Variants in EBF1 observed in about 807,000 individuals in gnomAD.
EBF1 encodes the protein transcription factor COE1.
EBF1 carries 10 observed loss-of-function variants against 68.4 expected under a neutral mutation model. The ratio of observed to expected loss-of-function variants is 0.15; its 90% CI spans 0.09 to 0.25. The LOEUF is 0.25. EBF1 is among the 10% of genes least tolerant of loss of function. The pLI is 1.00. For synonymous variants in EBF1, 298 were observed against 299.8 expected, an observed-to-expected ratio of 0.99 and a Z score of 0.06; for missense variants, 509 against 794.4, an observed-to-expected ratio of 0.64 and a Z score of 4.32.
At chr5:158,985,777 C>A (rs1455904356) in intron 6 of EBF1, 2 of 152,256 alleles carry the variant, frequency 1.3e-5, no homozygotes, top group African/African-American at 4.8e-5. Context: ...AAAGCAGAGG[C>A]ATCAGAGTCT....
In EBF1 at chr5:159,046,348, C is replaced by T. The variant is rs1176866811; in HGVS notation, c.554+27048G>A. On this transcript the variant is annotated intron_variant, in intron 6 of 15. Transcript: ENST00000313708. ...CTCAATAATCTTGTTGAATTGAACC[C>T]ACTAGGTCTACTGGTGAATTTTAGC... Among the ~76,000 whole-genome samples the T allele has an allele frequency of 7.9e-5, 12 of 152,282 alleles. No individual in the cohort carries two copies. The East Asian group carries it at 2.3e-3, about 29-fold the overall frequency.
At chr5:158,869,849 G>T (rs1387591429) in intron 6 of EBF1, among the ~76,000 whole-genome samples, 1 of 152,086 alleles carries the variant, frequency 6.6e-6, no homozygotes, top group Non-Finnish European at 1.5e-5. Flanking sequence ...TATTTTGTTT[G>T]CCTTTCTTTT....
chr5:158,848,137 C>T (rs1791895461), intron 6 of EBF1, among the ~76,000 whole-genome samples: 2 of 152,172 alleles, frequency 1.3e-5, no homozygotes, highest in Middle Eastern at 3.2e-3. Context: ...TGAGATTCTA[C>T]TTCTTTTCTC....
intron 11 of EBF1, among the ~76,000 whole-genome samples, chr5:158,726,067 C>T (rs1762920717): frequency 6.6e-6 from 1 of 152,206 alleles, no homozygotes; most frequent in Admixed American, 6.5e-5. Flanking sequence ...TTTAAAAACA[C>T]TCGCATCTTT....
intron 10 of EBF1, among the ~76,000 whole-genome samples, chr5:158,759,134 C>T (rs1439409729): frequency 1.3e-5 from 2 of 152,184 alleles, no homozygotes; most frequent in East Asian, 3.8e-4. Flanking sequence ...TCAATATTCA[C>T]AGTTTAAGAC....
chr5:158,961,030 G>A (rs184450476), intron 6 of EBF1, among the ~76,000 whole-genome samples: 1 of 152,184 alleles, frequency 6.6e-6, no homozygotes, highest in Admixed American at 6.5e-5. Flanking sequence ...AAATGAATAG[G>A]CAATTCACCA....
chr5:158,791,679 T>C (rs1157258031), intron 9 of EBF1, among the ~76,000 whole-genome samples: 1 of 152,070 alleles, frequency 6.6e-6, no homozygotes, highest in Non-Finnish European at 1.5e-5. Flanking sequence ...CAGAGCTACA[T>C]CCATATGTAA....
At chr5:158,753,853 G>A (rs973056148) in intron 10 of EBF1, among the ~76,000 whole-genome samples, 6 of 151,940 alleles carry the variant, frequency 3.9e-5, no homozygotes, top group Admixed American at 6.6e-5. Flanking sequence ...AGATTGTGAC[G>A]ACCACAAAAC....
At chr5:158,874,442 G>A (rs1442098132) in intron 6 of EBF1, among the ~76,000 whole-genome samples, 1 of 152,214 alleles carries the variant, frequency 6.6e-6, no homozygotes, top group Non-Finnish European at 1.5e-5. Flanking sequence ...TGTCACACAA[G>A]TGAATTGAGA....
Position 158,773,969 on chromosome 5 carries a change from G to A in EBF1, c.1036+3444C>T, listed in dbSNP as rs545459383. ...GGCTTTGAAATCAATCCTGTGATTA[G>A]ATAGTGTTTTTGTTTCCTTCTCTTA... On this transcript the variant is annotated intron_variant, in intron 10 of 15. Coordinates refer to ENST00000313708, the MANE Select transcript of EBF1 (RefSeq NM_024007.5). Among the ~76,000 whole-genome samples the A allele has an allele frequency of 2.0e-5, 3 of 152,272 alleles. No homozygotes were observed. The South Asian group carries it at 6.2e-4, about 32-fold the overall frequency.
At chr5:159,070,949 G>T (rs1231254178) in intron 6 of EBF1, among the ~76,000 whole-genome samples, 1 of 152,100 alleles carries the variant, frequency 6.6e-6, no homozygotes, top group East Asian at 1.9e-4. Context: ...TTCAAACACG[G>T]TTGCCATCAT....
chr5:158,893,634 C>T (rs1036267877), intron 6 of EBF1, among the ~76,000 whole-genome samples: 6 of 152,168 alleles, frequency 3.9e-5, no homozygotes, highest in South Asian at 2.1e-4. Flanking sequence ...GGCCAAGGCT[C>T]GTCAGTCTTC....
intron 6 of EBF1, among the ~76,000 whole-genome samples, chr5:158,850,993 T>C (rs1160295022): frequency 6.6e-6 from 1 of 151,274 alleles, no homozygotes; most frequent in Non-Finnish European, 1.5e-5. Context: ...CGAGACTCCA[T>C]CTCAAAAAAA....
In EBF1 at chr5:159,096,410, G is replaced by C; in HGVS notation, c.292-4C>G. On this transcript the variant is annotated splice_region_variant and splice_polypyrimidine_tract_variant and intron_variant, in intron 2 of 15. Transcript: ENST00000313708. ...TGGTCTTTTCGCTGTTGGCTTCCTGGGTTGCATCAGGACGCAAAGACACAA... is the reference window on the plus strand; with the variant it reads ...TGGTCTTTTCGCTGTTGGCTTCCTGCGTTGCATCAGGACGCAAAGACACAA... 1 of 1,613,010 alleles carries C rather than the reference G, an allele frequency of 6.2e-7. No homozygotes were observed. The highest frequency in any genetic ancestry group is 2.2e-5 in the East Asian group (1 of 44,858).
intron 10 of EBF1, among the ~76,000 whole-genome samples, chr5:158,774,001 A>G (rs530897580): frequency 6.6e-6 from 1 of 152,326 alleles, no homozygotes; most frequent in Admixed American, 6.5e-5. Flanking sequence ...CTTAGAAAAC[A>G]TTTATTGAAA....
In EBF1 at chr5:158,696,025, T is replaced by C. The variant is rs1755711256; in HGVS notation, c.*3086A>G. 1 of 202,010 alleles carries C rather than the reference T, an allele frequency of 5.0e-6. No individual in the cohort carries two copies. The highest frequency in any genetic ancestry group is 1.0e-5 in the Non-Finnish European group (1 of 98,356). The allele number at this position is 202,010 out of a possible 1,614,324, so 12.5% of individuals were successfully genotyped here. A position where few individuals can be genotyped will look rare whatever the true frequency, so the allele number is the denominator to read the frequency against. ...AAAAATTTAACAATCTCTACAGTAGTTAGGTTCTCTAACAATTGAACTGTA... is the reference window on the plus strand; with the variant it reads ...AAAAATTTAACAATCTCTACAGTAGCTAGGTTCTCTAACAATTGAACTGTA... On this transcript the variant is annotated 3_prime_UTR_variant, in exon 16 of 16. Transcript: ENST00000313708.
intron 6 of EBF1, among the ~76,000 whole-genome samples, chr5:158,991,658 G>A (rs1200997660): frequency 6.6e-6 from 1 of 152,116 alleles, no homozygotes; most frequent in Non-Finnish European, 1.5e-5. Flanking sequence ...TTATGCAAAA[G>A]CAAAAAATAA....
intron 6 of EBF1, among the ~76,000 whole-genome samples, chr5:159,031,243 GC>G (rs1344710895): frequency 1.3e-5 from 2 of 152,202 alleles, no homozygotes; most frequent in Non-Finnish European, 2.9e-5. Context: ...GAGGTCAGGG[GC>G]CTAAACAACA....
Position 159,080,963 on chromosome 5 carries a change from C to T in EBF1, c.485+3703G>A, listed in dbSNP as rs969250334. Among the ~76,000 whole-genome samples the T allele has an allele frequency of 2.0e-5, 3 of 152,156 alleles. 1 individual carries two copies. The highest frequency in any genetic ancestry group is 6.5e-5 in the Admixed American group (1 of 15,280). On this transcript the variant is annotated intron_variant, in intron 5 of 15. Transcript: ENST00000313708. The stretch of plus-strand genomic sequence containing the variant: ...TTTTGCTTTCCATGGTTTCAGTTAC[C>T]TGTGGTCCAGTACATTTTTTTGTTG...
Sources: allele counts gnomAD v4.1 joint callset (sites outside exome capture counted in the v4.1 genomes callset), GRCh38; gene constraint gnomAD v4.1.1; transcripts MANE v1.5; gene names NCBI Gene and HGNC (gene_info 2026-07-23, HGNC 2026-07-21).